The following KCNU1 variants were observed in gnomAD, a reference collection of about 807,000 sequenced individuals.
KCNU1 encodes potassium channel subfamily U member 1.
A neutral mutation model predicts 126.8 loss-of-function variants in KCNU1; 93 were observed. That is an observed-to-expected ratio of 0.73 (90% CI 0.62 to 0.87). The LOEUF is 0.87. KCNU1 is among the 40% of genes least tolerant of loss of function. The pLI is 0.00. For synonymous variants in KCNU1, 523 were observed against 494.2 expected, an observed-to-expected ratio of 1.06 and a Z score of -0.77; for missense variants, 1,330 against 1,367.1, an observed-to-expected ratio of 0.97 and a Z score of 0.43.
chr8:36,849,693 G>T (rs1285492231), intron 18 of KCNU1, among the ~76,000 whole-genome samples: 1 of 152,106 alleles, frequency 6.6e-6, no homozygotes, highest in Admixed American at 6.6e-5. Context: ...CTGTCATATA[G>T]ATCTATACCT....
chr8:36,842,647 A>G (rs987188394), intron 16 of KCNU1, among the ~76,000 whole-genome samples: 2 of 152,186 alleles, frequency 1.3e-5, no homozygotes, highest in South Asian at 2.1e-4. Flanking sequence ...CCTGGCTTAT[A>G]TGTCAGAATT....
intron 10 of KCNU1, among the ~76,000 whole-genome samples, chr8:36,829,585 G>C (rs1804454766): frequency 6.7e-6 from 1 of 149,894 alleles, no homozygotes; most frequent in South Asian, 2.1e-4. Context: ...TTTTTTTATA[G>C]TTGACAAGCT....
intron 19 of KCNU1, among the ~76,000 whole-genome samples, chr8:36,876,269 C>T (rs1480790927): frequency 6.6e-6 from 1 of 152,156 alleles, no homozygotes. Flanking sequence ...TACATAGATT[C>T]TATCTGTGTT....
intron 25 of KCNU1, 87 bp downstream of exon 25, chr8:36,931,232 A>C: frequency 1.3e-6 from 1 of 770,572 alleles, no homozygotes; most frequent in South Asian, 2.0e-5. Flanking sequence ...GGGTTCATAG[A>C]TGTCCCATAG....
At position 36,845,618 on chromosome 8, in the gene KCNU1, G is replaced by C. The variant is rs561683935; in HGVS notation, c.1742G>C (p.Arg581Pro). The C allele has an allele frequency of 6.2e-7, 1 of 1,610,344 alleles. No individual in the cohort carries two copies. The highest frequency in any genetic ancestry group is 1.7e-5 in the Admixed American group (1 of 59,994). The change falls in exon 17 of 27, where the codon CGT becomes CCT. Residue 581 changes from arginine (R) to proline (P), a missense_variant. This residue lies in a region of KCNU1 where 1,054 missense variants were observed against 1,053.9 expected (regional missense o/e 1.00). Coordinates refer to ENST00000399881, the MANE Select transcript of KCNU1 (RefSeq NM_001031836.3). Reference protein sequence around the residue: ...ILNPPPQVRIRKNTLGFFIAE... With the variant: ...ILNPPPQVRIPKNTLGFFIAE... ...AATCCACCTCCACAAGTGAGGATAC[G>C]TAAGAACACATTAGGGTTCTTTATT...
At chr8:36,909,101 A>C (rs1026571371) in intron 20 of KCNU1, among the ~76,000 whole-genome samples, 1 of 152,250 alleles carries the variant, frequency 6.6e-6, no homozygotes, top group Non-Finnish European at 1.5e-5. Flanking sequence ...AAGTGAAATA[A>C]AAAGAAATTC....
At chr8:36,932,872 C>A in intron 25 of KCNU1, 48 bp from the exon 26 acceptor site, 3 of 1,091,674 alleles carry the variant, frequency 2.7e-6, no homozygotes, top group South Asian at 1.3e-5. Context: ...CTTATAATTG[C>A]TTGATCAAAG....
chr8:36,924,100 A>G (rs1180088643), intron 24 of KCNU1, among the ~76,000 whole-genome samples: 3 of 152,208 alleles, frequency 2.0e-5, no homozygotes, highest in Non-Finnish European at 4.4e-5. Context: ...CAGGGTGTTA[A>G]AGGAATTTCA....
At chr8:36,811,676 A>C (rs1803719079) in intron 7 of KCNU1, among the ~76,000 whole-genome samples, 1 of 152,188 alleles carries the variant, frequency 6.6e-6, no homozygotes, top group Non-Finnish European at 1.5e-5. Flanking sequence ...TCACGCTTTT[A>C]ATCTCAGCAC....
At chr8:36,895,750 A>G (rs1327529975) in intron 19 of KCNU1, among the ~76,000 whole-genome samples, 1 of 152,120 alleles carries the variant, frequency 6.6e-6, no homozygotes, top group Non-Finnish European at 1.5e-5. Flanking sequence ...GCAAGTGCTA[A>G]AAAAATTCTA....
intron 19 of KCNU1, among the ~76,000 whole-genome samples, chr8:36,884,963 G>T (rs1306783210): frequency 6.6e-6 from 1 of 152,152 alleles, no homozygotes; most frequent in Non-Finnish European, 1.5e-5. Context: ...ACTTTTCTTG[G>T]CCCATCAGTG....
chr8:36,848,346 T>A (rs1407375271), intron 18 of KCNU1, among the ~76,000 whole-genome samples: 2 of 152,216 alleles, frequency 1.3e-5, no homozygotes, highest in Admixed American at 1.3e-4. Flanking sequence ...TTTGAAGTCT[T>A]AGCAATAAAA....
At chr8:36,811,229 A>G (rs1169948246) in intron 7 of KCNU1, among the ~76,000 whole-genome samples, 2 of 152,226 alleles carry the variant, frequency 1.3e-5, no homozygotes, top group African/African-American at 4.8e-5. Context: ...AATAAATGGC[A>G]CCAGAAAGAT....
intron 5 of KCNU1, 62 bp downstream of exon 5, chr8:36,806,442 T>C: frequency 2.5e-6 from 2 of 813,790 alleles, no homozygotes; most frequent in Non-Finnish European, 2.0e-6. Flanking sequence ...CAACATTCAT[T>C]TGTAAGTATC....
chr8:36,850,327 A>AT (rs1186475454), intron 18 of KCNU1, among the ~76,000 whole-genome samples: 2 of 152,050 alleles, frequency 1.3e-5, no homozygotes, highest in Non-Finnish European at 2.9e-5. Flanking sequence ...TCAATGATAT[A>AT]TTTTTTATTT....
chr8:36,929,755 C>A (rs775425871), intron 24 of KCNU1, among the ~76,000 whole-genome samples: 11 of 152,040 alleles, frequency 7.2e-5, no homozygotes, highest in Non-Finnish European at 1.2e-4. Flanking sequence ...GGAAGGGGGA[C>A]TGCATCAGAT....
At chr8:36,813,538 TA>T in intron 7 of KCNU1, among the ~76,000 whole-genome samples, 1 of 150,532 alleles carries the variant, frequency 6.6e-6, no homozygotes, top group Non-Finnish European at 1.5e-5. Context: ...CATATATTTA[TA>T]AAAAATTTAT....
At chr8:36,803,820 AT>A (rs1372706953) in intron 2 of KCNU1, among the ~76,000 whole-genome samples, 1 of 152,126 alleles carries the variant, frequency 6.6e-6, no homozygotes, top group Non-Finnish European at 1.5e-5. Flanking sequence ...GTACATATTC[AT>A]TTTTTTAATA....
At chr8:36,934,562 G>A (rs989273309) in intron 26 of KCNU1, among the ~76,000 whole-genome samples, 1 of 152,088 alleles carries the variant, frequency 6.6e-6, no homozygotes, top group Non-Finnish European at 1.5e-5. Context: ...TGATCTCAGG[G>A]GAAAAATTGA....
Sources: allele counts gnomAD v4.1 joint callset (sites outside exome capture counted in the v4.1 genomes callset), GRCh38; gene constraint gnomAD v4.1.1; regional missense constraint gnomAD v4.1.1; transcripts MANE v1.5; gene names NCBI Gene and HGNC (gene_info 2026-07-23, HGNC 2026-07-21).